Variants in GTF2IRD1 observed in about 807,000 individuals in gnomAD.
The protein encoded by GTF2IRD1 is GTF2I repeat domain containing 1, also known as general transcription factor II-I repeat domain-containing protein 1.
Under a neutral mutation model 113.2 loss-of-function variants are expected in GTF2IRD1, and 26 were observed. That is an observed-to-expected ratio of 0.23 (90% CI 0.17 to 0.32). The LOEUF (loss-of-function observed/expected upper bound fraction) is 0.32, where lower values mean the gene tolerates loss of function less well. Among genes scored for constraint, GTF2IRD1 ranks in the 10% least tolerant of loss-of-function variants. GTF2IRD1 has a pLI of 1.00. For missense variants in GTF2IRD1, 864 were observed against 1,280.8 expected, an observed-to-expected ratio of 0.67 and a Z score of 4.97; for synonymous variants, 484 against 529.1, an observed-to-expected ratio of 0.91 and a Z score of 1.17.
At chr7:74,518,601 C>T (rs996250423) in intron 5 of GTF2IRD1, among the ~76,000 whole-genome samples, 13 of 152,080 alleles carry the variant, frequency 8.5e-5, no homozygotes, top group African/African-American at 3.1e-4. Context: ...CCAAAGTGGT[C>T]GGGTACAGTA....
At chr7:74,522,067 A>G (rs2130315640) in intron 7 of GTF2IRD1, among the ~76,000 whole-genome samples, 1 of 152,232 alleles carries the variant, frequency 6.6e-6, no homozygotes, top group East Asian at 1.9e-4. Flanking sequence ...CAACATGGCC[A>G]CTGGTTTCCT....
At chr7:74,517,908 T>G (rs944415742) in intron 4 of GTF2IRD1, among the ~76,000 whole-genome samples, 5 of 152,154 alleles carry the variant, frequency 3.3e-5, no homozygotes, top group Non-Finnish European at 5.9e-5. Context: ...GGAACCTGCT[T>G]GGTGGGGGAG....
intron 1 of GTF2IRD1, among the ~76,000 whole-genome samples, chr7:74,491,313 T>TTC (rs1795327345): frequency 1.8e-5 from 2 of 112,686 alleles, no homozygotes; most frequent in African/African-American, 7.9e-5. Context: ...AAAAAATTCT[T>TTC]TTTTTTTTTT....
chr7:74,589,570 G>A (rs782741392), intron 22 of GTF2IRD1, among the ~76,000 whole-genome samples: 1 of 152,008 alleles, frequency 6.6e-6, no homozygotes, highest in Non-Finnish European at 1.5e-5. Context: ...GGTGGCACGT[G>A]CCTGTGATCC....
At chr7:74,471,236 A>G (rs1265098582) in intron 1 of GTF2IRD1, among the ~76,000 whole-genome samples, 2 of 152,078 alleles carry the variant, frequency 1.3e-5, no homozygotes, top group Non-Finnish European at 2.9e-5. Context: ...GACTGTTTGC[A>G]TTTGTGAAAA....
chr7:74,543,314 A>G (rs587636765), intron 14 of GTF2IRD1, among the ~76,000 whole-genome samples: 1 of 152,174 alleles, frequency 6.6e-6, no homozygotes, highest in East Asian at 1.9e-4. Context: ...AAAAAGAAAA[A>G]AAAAGAAAAA....
At chr7:74,469,944 T>C (rs1793981157) in intron 1 of GTF2IRD1, among the ~76,000 whole-genome samples, 1 of 152,084 alleles carries the variant, frequency 6.6e-6, no homozygotes, top group African/African-American at 2.4e-5. Context: ...AAGATAAAAA[T>C]TATCATATTC....
chr7:74,464,594 C>T (rs1247276251), intron 1 of GTF2IRD1, among the ~76,000 whole-genome samples: 1 of 151,948 alleles, frequency 6.6e-6, no homozygotes, highest in African/African-American at 2.4e-5. Context: ...ATTACAGGCA[C>T]CTGCCACCAC....
intron 8 of GTF2IRD1, among the ~76,000 whole-genome samples, chr7:74,528,755 A>AC (rs1797755665): frequency 9.7e-6 from 1 of 102,818 alleles, no homozygotes; most frequent in African/African-American, 4.0e-5. Context: ...GGATGGATGG[A>AC]TGAATGGATG....
At chr7:74,496,628 G>T (rs1554338119) in intron 1 of GTF2IRD1, among the ~76,000 whole-genome samples, 1 of 150,534 alleles carries the variant, frequency 6.6e-6, no homozygotes, top group Admixed American at 6.7e-5. Context: ...GTGCGTGTGG[G>T]TGTGCATGTA....
chr7:74,589,898 C>A lies in GTF2IRD1; in HGVS notation c.2368C>A (p.Gln790Lys), dbSNP rs781809169. The A allele has an allele frequency of 6.2e-7, 1 of 1,611,254 alleles. No homozygotes were observed. Among genetic ancestry groups the A allele is most frequent in the East Asian group, 2.2e-5 (1 of 44,814 alleles). Reference sequence around the variant, plus strand: ...CGGGGAGAAGGTGATCCTGCGGGAGCAGGTGAAGGAACTCTTCAACGAGAA... The same window carrying A: ...CGGGGAGAAGGTGATCCTGCGGGAGAAGGTGAAGGAACTCTTCAACGAGAA... The part of the protein sequence containing the change: ...RLGEKVILRE[Q>K]VKELFNEKYG... The change falls in exon 23 of 27, where the codon CAG becomes AAG. Residue 790 changes from glutamine (Q) to lysine (K), a missense_variant. Physicochemically the swap from Gln to Lys is moderately conservative, Grantham distance 53. Around this residue, in one of 7 missense-constraint regions of GTF2IRD1, gnomAD observed 195 missense variants for 359.1 expected, o/e 0.54. Coordinates refer to ENST00000424337, the MANE Select transcript of GTF2IRD1 (RefSeq NM_005685.4).
At chr7:74,517,118 G>A (rs893657167) in intron 4 of GTF2IRD1, among the ~76,000 whole-genome samples, 3 of 151,886 alleles carry the variant, frequency 2.0e-5, no homozygotes, top group African/African-American at 7.3e-5. Context: ...CCCCCTCCTG[G>A]GTTCAAGCAA....
intron 6 of GTF2IRD1, 40 bp from the exon 7 acceptor site, chr7:74,521,168 G>T: frequency 8.2e-7 from 1 of 1,226,694 alleles, no homozygotes; most frequent in Non-Finnish European, 1.2e-6. Context: ...AACCCTCTTG[G>T]GTCCCACCTG....
chr7:74,574,150 ATTTTTTTTTTT>A (rs71094796), intron 22 of GTF2IRD1, among the ~76,000 whole-genome samples: 5 of 104,818 alleles, frequency 4.8e-5, no homozygotes, highest in East Asian at 5.2e-4. Context: ...CACCAAGCTA[ATTTTTTTTTTT>A]TTTTTTTTTT....
chr7:74,584,304 G>T (rs189774945), intron 22 of GTF2IRD1, among the ~76,000 whole-genome samples: 5 of 152,182 alleles, frequency 3.3e-5, no homozygotes, highest in Admixed American at 6.6e-5. Context: ...AATTAGCCAG[G>T]TGTGGTGGCG....
intron 1 of GTF2IRD1, among the ~76,000 whole-genome samples, chr7:74,504,705 CTTTTTTTT>C (rs561437934): frequency 5.0e-4 from 58 of 116,140 alleles, no homozygotes; most frequent in African/African-American, 1.8e-3. Context: ...AGAATTTTTA[CTTTTTTTT>C]TTTTTTTTTT....
chr7:74,467,218 G>A (rs549854904), intron 1 of GTF2IRD1, among the ~76,000 whole-genome samples: 1 of 152,188 alleles, frequency 6.6e-6, no homozygotes, highest in African/African-American at 2.4e-5. Context: ...CAAAATGCTG[G>A]GATTACAGGG....
At chr7:74,538,803 C>A in intron 13 of GTF2IRD1, 43 bp downstream of exon 13, 1 of 1,067,748 alleles carries the variant, frequency 9.4e-7, no homozygotes, top group South Asian at 1.3e-5. Flanking sequence ...AAATCAGGGC[C>A]GGACCGTTAG....
chr7:74,477,882 G>A (rs1305608526), intron 1 of GTF2IRD1, among the ~76,000 whole-genome samples: 3 of 152,158 alleles, frequency 2.0e-5, no homozygotes, highest in Non-Finnish European at 2.9e-5. Context: ...TTCCTCATCC[G>A]TGTTGTTCTG....
Sources: allele counts gnomAD v4.1 joint callset (sites outside exome capture counted in the v4.1 genomes callset), GRCh38; gene constraint gnomAD v4.1.1; regional missense constraint gnomAD v4.1.1; transcripts MANE v1.5; gene names NCBI Gene and HGNC (gene_info 2026-07-23, HGNC 2026-07-21).